The following SLC35F5 variants were observed in gnomAD, a reference collection of about 807,000 sequenced individuals.
SLC35F5 encodes HCV NS5A-transactivated protein 3.
A neutral mutation model predicts 68.6 loss-of-function variants in SLC35F5; 54 were observed. The observed-to-expected ratio is 0.79, with a 90% CI of 0.63 to 0.99. The LOEUF is 0.99. Among genes scored for constraint, SLC35F5 ranks in the 50% least tolerant of loss-of-function variants. The probability of loss-of-function intolerance (pLI) is 0.00; values close to 1 mark genes in which losing one functional copy is unlikely to be tolerated. For synonymous variants in SLC35F5, 211 were observed against 205.2 expected (o/e 1.03, Z -0.24); for missense variants, 567 against 626.9 (o/e 0.90, Z 1.02).
rs186752755 is a variant in SLC35F5 at position 113,712,313 on chromosome 2, A to G, written c.*2905T>C. Among the ~76,000 whole-genome samples, 38 of 143,952 alleles carry G rather than the reference A, an allele frequency of 2.6e-4. No individual in the cohort carries two copies. The East Asian group carries it at 7.2e-3, about 27-fold the overall frequency. The allele number at this position is 143,952 out of a possible 152,430, so 94.4% of individuals were successfully genotyped here. On this transcript the variant is annotated 3_prime_UTR_variant, in exon 16 of 16. Transcript: ENST00000245680. ...TAAGCTTCAAAAAGCATTCATTTCA[A>G]AAGTATTCACTTTTTTTTTTTTTGA...
At chr2:113,722,027 C>T (rs1229960540) in intron 13 of SLC35F5, among the ~76,000 whole-genome samples, 8 of 130,630 alleles carry the variant, frequency 6.1e-5, no homozygotes, top group African/African-American at 1.2e-4. Context: ...CAGGCTGGAG[C>T]GCAGTGGCAT....
intron 11 of SLC35F5, among the ~76,000 whole-genome samples, chr2:113,727,829 CTAATA>C (rs2104427594): frequency 1.3e-5 from 2 of 152,188 alleles, no homozygotes; most frequent in South Asian, 4.1e-4. Flanking sequence ...TGCACTCTCC[CTAATA>C]TGAGTAAATT....
chr2:113,752,073 G>A (rs957349426), intron 3 of SLC35F5, among the ~76,000 whole-genome samples: 12 of 151,942 alleles, frequency 7.9e-5, no homozygotes, highest in African/African-American at 2.9e-4. Context: ...TTAGCTGGGC[G>A]TGGTGGCAGG....
At chr2:113,722,023 G>GGAGCGCAGTGGCATGATCTT (rs1687462355) in intron 13 of SLC35F5, among the ~76,000 whole-genome samples, 1 of 134,948 alleles carries the variant, frequency 7.4e-6, no homozygotes, top group Non-Finnish European at 1.5e-5. Context: ...TGCCCAGGCT[G>GGAGCGCAGTGGCATGATCTT]GAGCGCAGTG....
intron 7 of SLC35F5, chr2:113,742,359 T>C (rs763911016): frequency 2.6e-5 from 10 of 382,060 alleles, no homozygotes; most frequent in Non-Finnish European, 2.8e-5. Flanking sequence ...TGTATATACA[T>C]ATATCACAGT....
downstream of SLC35F5, among the ~76,000 whole-genome samples, chr2:113,703,179 T>C (rs1444789187): frequency 1.3e-5 from 2 of 151,988 alleles, no homozygotes; most frequent in East Asian, 3.9e-4. Flanking sequence ...TCTCTCTCTC[T>C]CTCTCTGTAA....
At chr2:113,755,390 C>A (rs1676932938) in intron 2 of SLC35F5, 64 bp downstream of exon 2, 18 of 1,605,670 alleles carry the variant, frequency 1.1e-5, no homozygotes, top group Non-Finnish European at 1.5e-5. Context: ...ATAACAGAAA[C>A]ATTTGACTTT....
At chr2:113,723,340 TAA>T (rs1233624469) in intron 12 of SLC35F5, 146 bp from the exon 13 acceptor site, 7 of 401,272 alleles carry the variant, frequency 1.7e-5, no homozygotes, top group African/African-American at 1.3e-4. Context: ...TAAAATATAA[TAA>T]AGTTATTAAG....
At chr2:113,704,570 C>T (rs971232561), downstream of SLC35F5, among the ~76,000 whole-genome samples, 17 of 152,156 alleles carry the variant, frequency 1.1e-4, no homozygotes, top group African/African-American at 3.6e-4. Context: ...AGCTAAGGCC[C>T]GGCGAGAAAT....
chr2:113,704,592 C>T (rs1217081044), downstream of SLC35F5, among the ~76,000 whole-genome samples: 1 of 152,122 alleles, frequency 6.6e-6, no homozygotes, highest in African/African-American at 2.4e-5. Context: ...GAGCGCAGCG[C>T]CGGTGGGCCG....
In SLC35F5 at chr2:113,707,570, A is replaced by AT. The variant is rs1382276997; in HGVS notation, c.*7647dup. On this transcript the variant is annotated 3_prime_UTR_variant, in exon 16 of 16. Coordinates refer to ENST00000245680, the MANE Select transcript of SLC35F5 (RefSeq NM_025181.5). ...TATGAAGACTCACTTTTTATTTCTT[A>AT]TTTTTTTGAAACAGGGTCTCGCTCT... is the stretch of plus-strand genomic sequence containing the variant. Among the ~76,000 whole-genome samples, 1 of 151,942 alleles carries AT rather than the reference A, an allele frequency of 6.6e-6. No individual in the cohort carries two copies. The highest frequency in any genetic ancestry group is 6.6e-5 in the Admixed American group (1 of 15,240).
intron 12 of SLC35F5, among the ~76,000 whole-genome samples, chr2:113,723,657 A>G (rs1687543855): frequency 6.6e-6 from 1 of 152,160 alleles, no homozygotes; most frequent in African/African-American, 2.4e-5. Context: ...CTTCATGAAC[A>G]CTAAAATCAT....
chr2:113,741,634 G>C (rs1158688870), intron 7 of SLC35F5, among the ~76,000 whole-genome samples: 2 of 151,344 alleles, frequency 1.3e-5, no homozygotes, highest in African/African-American at 4.9e-5. Flanking sequence ...CCAGGAGGCA[G>C]AGGTTGTGGT....
intron 5 of SLC35F5, among the ~76,000 whole-genome samples, chr2:113,745,266 AG>A (rs1211739709): frequency 1.3e-5 from 2 of 152,178 alleles, no homozygotes; most frequent in African/African-American, 4.8e-5. Context: ...TTAAGATCCC[AG>A]GAAAAAAAAA....
In SLC35F5 at chr2:113,707,535, C is replaced by T. The variant is rs1686832169; in HGVS notation, c.*7683G>A. ...AAGAATTGTTGCCTAACCTCATATA[C>T]TAATTTGAATATGAAGACTCACTTT... is the stretch of plus-strand genomic sequence containing the variant. On this transcript the variant is annotated 3_prime_UTR_variant, in exon 16 of 16. Coordinates refer to ENST00000245680, the MANE Select transcript of SLC35F5 (RefSeq NM_025181.5). Among the ~76,000 whole-genome samples, 1 of 152,126 alleles carries T rather than the reference C, an allele frequency of 6.6e-6. No individual in the cohort carries two copies. Among genetic ancestry groups the T allele is most frequent in the African/African-American group, 2.4e-5 (1 of 41,442 alleles).
rs117870636 is a variant in SLC35F5 at position 113,726,639 on chromosome 2, T to C, written c.1091-1102A>G. 4.6e-5 allele frequency among the ~76,000 whole-genome samples: 7 copies of C among 152,204 alleles called. No homozygotes were observed. In the East Asian group the frequency reaches 1.4e-3, roughly 29 times the overall value. The stretch of plus-strand genomic sequence containing the variant: ...GCTAAAGACTCACAGCCACCCCACT[T>C]CTGTGAAGGGGGGCAAATAAGTCTG... On this transcript the variant is annotated intron_variant, in intron 11 of 15. Transcript: ENST00000245680.
intron 3 of SLC35F5, among the ~76,000 whole-genome samples, 190 bp downstream of exon 3, chr2:113,754,975 G>T (rs1359540951): frequency 6.6e-6 from 1 of 152,120 alleles, no homozygotes; most frequent in Non-Finnish European, 1.5e-5. Context: ...AAAACTGTAT[G>T]AAACAATAAA....
intron 15 of SLC35F5, among the ~76,000 whole-genome samples, 164 bp from the exon 16 acceptor site, chr2:113,715,359 T>C (rs188476371): frequency 6.0e-4 from 92 of 152,338 alleles, no homozygotes; most frequent in East Asian, 5.8e-4. Flanking sequence ...TAAGAACTTA[T>C]GAATGTGACT....
At chr2:113,718,191 C>A (rs182611183) in intron 14 of SLC35F5, among the ~76,000 whole-genome samples, 4 of 152,168 alleles carry the variant, frequency 2.6e-5, no homozygotes, top group Admixed American at 2.0e-4. Context: ...TCAAGTGATC[C>A]TCCTACCTCA....
Sources: allele counts gnomAD v4.1 joint callset (sites outside exome capture counted in the v4.1 genomes callset), GRCh38; gene constraint gnomAD v4.1.1; transcripts MANE v1.5; gene names NCBI Gene and HGNC (gene_info 2026-07-23, HGNC 2026-07-21).